Variants in TMEM222 observed in about 807,000 individuals in gnomAD.
TMEM222 encodes the protein transmembrane protein 222.
Under a neutral mutation model 25.1 loss-of-function variants are expected in TMEM222, and 18 were observed. The observed-to-expected ratio is 0.72, with a 90% CI of 0.50 to 1.06. TMEM222 has a LOEUF of 1.06. Among genes scored for constraint, TMEM222 ranks in the 50% least tolerant of loss-of-function variants. TMEM222 has a pLI of 0.00. For missense variants in TMEM222, 296 were observed against 293.7 expected, an observed-to-expected ratio of 1.01 and a Z score of -0.06; for synonymous variants, 131 against 117.9, an observed-to-expected ratio of 1.11 and a Z score of -0.72.
At chr1:27,325,445 G>T in intron 1 of TMEM222, 1 of 1,255,696 alleles carries the variant, frequency 8.0e-7, no homozygotes. Context: ...AGTGTCCGGA[G>T]GCGCTGTTCC....
At position 27,334,019 on chromosome 1, in the gene TMEM222, G is replaced by C; in HGVS notation, c.373G>C (p.Val125Leu). 1 of 1,614,166 alleles carries C rather than the reference G, an allele frequency of 6.2e-7. No homozygotes were observed. The highest frequency in any genetic ancestry group is 8.5e-7 in the Non-Finnish European group (1 of 1,180,024). Reference sequence around the variant, plus strand: ...CGGGCCCAACGCATGGGACACGGCTGTGCACGACGCCTCTGAGGAGTACAA... The same window carrying C: ...CGGGCCCAACGCATGGGACACGGCTCTGCACGACGCCTCTGAGGAGTACAA... The part of the protein sequence containing the change: ...ASGPNAWDTA[V>L]HDASEEYKHR... Residue 125 changes from valine (V) to leucine (L), a missense_variant, in exon 4 of 6, where the codon GTG becomes CTG. By Grantham distance (32) the Val-to-Leu change is conservative (BLOSUM62 1). Coordinates refer to ENST00000374076, the MANE Select transcript of TMEM222 (RefSeq NM_032125.3).
intron 1 of TMEM222, among the ~76,000 whole-genome samples, chr1:27,327,919 C>T (rs1185093345): frequency 1.3e-5 from 2 of 152,234 alleles, no homozygotes; most frequent in Non-Finnish European, 2.9e-5. Context: ...AGACTCTACT[C>T]TTAAATGCAG....
At chr1:27,323,524 A>C (rs2014262310) in intron 1 of TMEM222, among the ~76,000 whole-genome samples, 1 of 152,230 alleles carries the variant, frequency 6.6e-6, no homozygotes, top group Admixed American at 6.5e-5. Context: ...TCATGCCTGT[A>C]ATCCCAGCAC....
chr1:27,328,913 G>A (rs2014415924), intron 1 of TMEM222, among the ~76,000 whole-genome samples: 1 of 152,156 alleles, frequency 6.6e-6, no homozygotes, highest in Non-Finnish European at 1.5e-5. Flanking sequence ...TCGGCCACTG[G>A]CCCTGTGAGT....
intron 2 of TMEM222, chr1:27,331,008 C>T (rs1423618993): frequency 1.4e-6 from 2 of 1,463,592 alleles, no homozygotes; most frequent in Admixed American, 5.4e-5. Flanking sequence ...GGCAGTGTGG[C>T]CAGAAGGATT....
chr1:27,332,074 A>T lies in TMEM222; in HGVS notation c.284A>T (p.Asp95Val), dbSNP rs752039132. The T allele has an allele frequency of 7.4e-6, 12 of 1,614,144 alleles. No individual in the cohort carries two copies. Among genetic ancestry groups the T allele is most frequent in the African/African-American group, 2.7e-5 (2 of 74,948 alleles). Residue 95 changes from aspartate (D) to valine (V), a missense_variant, in exon 3 of 6, where the codon GAC (aspartate) becomes GTC (valine). By Grantham distance (152) the Asp-to-Val change is radical (BLOSUM62 -3). Transcript: ENST00000374076. The part of the protein sequence containing the change: ...DFAGPYFVSE[D>V]NMAFGKPAKY... ...TCTGCTTTTGTCCCTCAACAGGAGG[A>T]CAACATGGCCTTTGGAAAGCCTGCC...
chr1:27,330,848 T>C (rs1400749371), intron 2 of TMEM222, 44 bp downstream of exon 2: 7 of 1,608,762 alleles, frequency 4.4e-6, no homozygotes, highest in Non-Finnish European at 6.0e-6. Context: ...AAGGTTTAAG[T>C]GGAAGGCTGT....
intron 3 of TMEM222, chr1:27,333,672 A>G: frequency 2.2e-6 from 1 of 461,064 alleles, no homozygotes; most frequent in Non-Finnish European, 4.0e-6. Context: ...ACCTCCTCAT[A>G]CCATCACCTT....
chr1:27,329,031 T>A (rs1276956635), intron 1 of TMEM222, among the ~76,000 whole-genome samples: 3 of 152,194 alleles, frequency 2.0e-5, no homozygotes, highest in Admixed American at 6.5e-5. Context: ...GGGGTGCATC[T>A]GAGATTTATT....
chr1:27,330,601 A>T, intron 1 of TMEM222, 119 bp from the exon 2 acceptor site: 1 of 857,072 alleles, frequency 1.2e-6, no homozygotes, highest in Non-Finnish European at 1.9e-6. Flanking sequence ...CCTAATGGCC[A>T]CCTGTCAATG....
Position 27,322,211 on chromosome 1 carries a change from A to C in TMEM222, c.14A>C (p.Glu5Ala). 7.1e-7 allele frequency: 1 copy of C among 1,410,862 alleles called. No homozygotes were observed. The highest frequency in any genetic ancestry group is 9.3e-7 in the Non-Finnish European group (1 of 1,072,628). The allele number at this position is 1,410,862 out of a possible 1,614,324, so 87.4% of individuals were successfully genotyped here. Residue 5 changes from glutamate to alanine, a missense_variant, in exon 1 of 6, where the codon GAA becomes GCA. Coordinates refer to ENST00000374076, the MANE Select transcript of TMEM222 (RefSeq NM_032125.3). MAEA[E>A]GSSLLLLPPP... ...GGCGCGCGCCGCATGGCGGAAGCGG[A>C]AGGGAGTTCTCTGCTCTTGTTGCCG...
intron 2 of TMEM222, chr1:27,331,133 A>G: frequency 8.5e-7 from 1 of 1,174,616 alleles, no homozygotes; most frequent in Non-Finnish European, 1.1e-6. Context: ...CTGGACCTTC[A>G]GAAGGTGGGA....
rs1056098475 is a variant in TMEM222, at chr1:27,336,039, G to T, written c.*573G>T. ...CATCTGGCATCCTCCAGCCCGTGCA[G>T]TCCGCTCTTCACTGTTCCACGGCCT... On this transcript the variant is annotated 3_prime_UTR_variant, in exon 6 of 6. Transcript: ENST00000374076. 3.2e-5 allele frequency: 5 copies of T among 158,652 alleles called. No individual in the cohort carries two copies. Among genetic ancestry groups the T allele is most frequent in the Admixed American group, 3.0e-4 (5 of 16,638 alleles). The allele number at this position is 158,652 out of a possible 1,614,324, so 9.8% of individuals were successfully genotyped here. A position where few individuals can be genotyped will look rare whatever the true frequency, so the allele number is the denominator to read the frequency against.
intron 5 of TMEM222, chr1:27,334,983 C>G (rs1013089882): frequency 3.1e-6 from 1 of 325,494 alleles, no homozygotes; most frequent in Non-Finnish European, 5.4e-6. Context: ...CCCAGTAGTC[C>G]CCATTATGAA....
At position 27,335,347 on chromosome 1, in the gene TMEM222, C is replaced by G. The variant is rs773001903; in HGVS notation, c.540-32C>G. 1.2e-5 allele frequency: 19 copies of G among 1,608,214 alleles called. No homozygotes were observed. In the East Asian group the frequency reaches 4.0e-4, roughly 34 times the overall value. Reference sequence around the variant, plus strand: ...CCGCATGCCTGCTCACCAGGCCCTGCCCACCTATGCTCGCTCCTTTCTCTC... The same window carrying G: ...CCGCATGCCTGCTCACCAGGCCCTGGCCACCTATGCTCGCTCCTTTCTCTC... On this transcript the variant is annotated intron_variant, in intron 5 of 5. Transcript: ENST00000374076.
At chr1:27,327,386 T>A (rs1162949461) in intron 1 of TMEM222, among the ~76,000 whole-genome samples, 2 of 152,078 alleles carry the variant, frequency 1.3e-5, no homozygotes, top group African/African-American at 2.4e-5. Flanking sequence ...TGTTTTTAAT[T>A]TTTATTTATT....
In TMEM222 at chr1:27,334,139, T is replaced by G. The variant is rs769192003; in HGVS notation, c.409-12T>G. The G allele has an allele frequency of 6.2e-7, 1 of 1,614,160 alleles. No homozygotes were observed. Among genetic ancestry groups the G allele is most frequent in the Non-Finnish European group, 8.5e-7 (1 of 1,180,020 alleles). ...TGCAGCCCATCCTGACCAGCCCTTCTGGTGCCTCCAGCACAATCTCTGCTG... is the reference window on the plus strand; with the variant it reads ...TGCAGCCCATCCTGACCAGCCCTTCGGGTGCCTCCAGCACAATCTCTGCTG... On this transcript the variant is annotated splice_polypyrimidine_tract_variant and intron_variant, in intron 4 of 5. Coordinates refer to ENST00000374076, the MANE Select transcript of TMEM222 (RefSeq NM_032125.3).
At chr1:27,330,827 C>G in intron 2 of TMEM222, 23 bp downstream of exon 2, 1 of 1,612,904 alleles carries the variant, frequency 6.2e-7, no homozygotes. Context: ...TCTGCCCACC[C>G]GGGGGGTTCC....
chr1:27,322,511 C>A, intron 1 of TMEM222, 120 bp downstream of exon 1: 1 of 978,240 alleles, frequency 1.0e-6, no homozygotes, highest in Non-Finnish European at 1.4e-6. Context: ...GGCCCGCACG[C>A]CTCGCCCAGT....
Sources: gnomAD v4.1 joint callset for allele counts (sites outside exome capture counted in the v4.1 genomes callset) on GRCh38, gnomAD v4.1.1 for gene constraint, MANE v1.5 for transcripts, NCBI Gene and HGNC (gene_info 2026-07-23, HGNC 2026-07-21) for gene names.